The following MTUS2 variants were observed in gnomAD, a reference collection of about 807,000 sequenced individuals.
The protein encoded by MTUS2 is microtubule-associated tumor suppressor candidate 2.
A neutral mutation model predicts 114.1 loss-of-function variants in MTUS2; 40 were observed. The observed-to-expected ratio is 0.35, with a 90% CI of 0.27 to 0.46. The LOEUF is 0.46. MTUS2 is among the 20% of genes least tolerant of loss of function. The pLI, the probability that MTUS2 is intolerant of heterozygous loss-of-function variation, is 1.00. For missense variants in MTUS2, 1,679 were observed against 1,705.4 expected (o/e 0.98, Z 0.27); for synonymous variants, 688 against 672.0 (o/e 1.02, Z -0.37).
At chr13:28,829,754 A>T (rs564643357) in intron 1 of MTUS2, among the ~76,000 whole-genome samples, 2 of 152,354 alleles carry the variant, frequency 1.3e-5, no homozygotes, top group Non-Finnish European at 2.9e-5. Context: ...TGAGGCAGTG[A>T]CACCAGTTGG....
intron 5 of MTUS2, among the ~76,000 whole-genome samples, chr13:29,207,222 C>T (rs1895226603): frequency 6.6e-6 from 1 of 152,100 alleles, no homozygotes; most frequent in African/African-American, 2.4e-5. Flanking sequence ...AATTGATTGT[C>T]AGCTTGGTTG....
chr13:29,091,150 C>G (rs186077646), intron 4 of MTUS2, among the ~76,000 whole-genome samples: 1 of 152,114 alleles, frequency 6.6e-6, no homozygotes, highest in Non-Finnish European at 1.5e-5. Flanking sequence ...TGAAGATCTG[C>G]TTGGAATATG....
At chr13:29,170,598 G>A (rs774388054) in intron 5 of MTUS2, among the ~76,000 whole-genome samples, 19 of 152,144 alleles carry the variant, frequency 1.2e-4, no homozygotes, top group South Asian at 2.1e-4. Context: ...AATTTAAGCC[G>A]GTTTCCAGCT....
chr13:29,348,108 C>T (rs1287846918), intron 7 of MTUS2, among the ~76,000 whole-genome samples: 3 of 152,252 alleles, frequency 2.0e-5, no homozygotes, highest in Non-Finnish European at 4.4e-5. Flanking sequence ...ATTCTTAACT[C>T]AATCTCCAGC....
chr13:29,315,964 G>T (rs568573972), intron 6 of MTUS2, among the ~76,000 whole-genome samples: 90 of 152,186 alleles, frequency 5.9e-4, no homozygotes, highest in Non-Finnish European at 1.1e-3. Context: ...CCAGGGTCTT[G>T]ATTCAGGGTG....
chr13:29,290,884 A>C (rs1354924580), intron 6 of MTUS2, among the ~76,000 whole-genome samples: 1 of 152,186 alleles, frequency 6.6e-6, no homozygotes, highest in Non-Finnish European at 1.5e-5. Context: ...GGCCCAGCAC[A>C]AAGCAGGCTC....
chr13:29,359,998 T>G (rs748079050), intron 8 of MTUS2, among the ~76,000 whole-genome samples: 2 of 152,162 alleles, frequency 1.3e-5, no homozygotes, highest in Non-Finnish European at 2.9e-5. Context: ...GTGCCCTCAA[T>G]TTTTCTGAAA....
chr13:29,327,177 CA>C (rs1167854001), intron 7 of MTUS2, among the ~76,000 whole-genome samples: 2 of 151,318 alleles, frequency 1.3e-5, no homozygotes, highest in South Asian at 4.2e-4. Flanking sequence ...ATATTTATAC[CA>C]AAAAAACTAA....
intron 7 of MTUS2, among the ~76,000 whole-genome samples, chr13:29,346,956 T>C (rs1807336286): frequency 6.6e-6 from 1 of 151,702 alleles, no homozygotes; most frequent in African/African-American, 2.4e-5. Context: ...AGTGAGGATG[T>C]GTGTTTGGGG....
At chr13:29,487,785 C>T in intron 10 of MTUS2, 115 bp from the exon 11 acceptor site, 1 of 826,422 alleles carries the variant, frequency 1.2e-6, no homozygotes. Context: ...TGCTTCGGCA[C>T]AAGGCTGTGA....
At chr13:29,041,567 A>G (rs1321260164) in intron 4 of MTUS2, among the ~76,000 whole-genome samples, 1 of 152,156 alleles carries the variant, frequency 6.6e-6, no homozygotes, top group African/African-American at 2.4e-5. Flanking sequence ...GATTCTACCC[A>G]TCCATGAGCA....
intron 7 of MTUS2, among the ~76,000 whole-genome samples, chr13:29,339,297 T>C (rs934152658): frequency 6.6e-6 from 1 of 152,146 alleles, no homozygotes; most frequent in Non-Finnish European, 1.5e-5. Context: ...TGGAGGCTTC[T>C]TCTGAGCGGC....
chr13:29,390,057 A>G (rs1253482493), intron 8 of MTUS2, among the ~76,000 whole-genome samples: 2 of 1,286 alleles, frequency 1.6e-3, no homozygotes, highest in African/African-American at 1.7e-3. Flanking sequence ...ATACACATAC[A>G]TATATACACA....
At chr13:29,233,449 C>T (rs1344946917) in intron 5 of MTUS2, among the ~76,000 whole-genome samples, 2 of 152,094 alleles carry the variant, frequency 1.3e-5, no homozygotes, top group African/African-American at 2.4e-5. Flanking sequence ...GTAAAACTAT[C>T]GTCGACATTC....
chr13:29,311,413 A>C (rs182139255), intron 6 of MTUS2, among the ~76,000 whole-genome samples: 4 of 152,294 alleles, frequency 2.6e-5, no homozygotes, highest in African/African-American at 9.6e-5. Context: ...TTTATAATAG[A>C]TATGTTTAAA....
chr13:29,282,946 T>C (rs1898333911), intron 6 of MTUS2, among the ~76,000 whole-genome samples: 1 of 152,176 alleles, frequency 6.6e-6, no homozygotes, highest in African/African-American at 2.4e-5. Flanking sequence ...CACTAGTGGG[T>C]ATTCATTTTG....
intron 5 of MTUS2, among the ~76,000 whole-genome samples, chr13:29,177,019 G>A (rs1370042481): frequency 6.6e-6 from 1 of 151,092 alleles, no homozygotes; most frequent in Non-Finnish European, 1.5e-5. Context: ...CCTGGATGGG[G>A]AGAGATGGGT....
intron 5 of MTUS2, among the ~76,000 whole-genome samples, chr13:29,119,832 A>G (rs1004742590): frequency 1.3e-5 from 2 of 152,230 alleles, no homozygotes; most frequent in African/African-American, 4.8e-5. Context: ...ACCCTCACAG[A>G]CACACCTAGA....
chr13:29,148,319 C>T (rs1033203805), intron 5 of MTUS2, among the ~76,000 whole-genome samples: 1 of 151,730 alleles, frequency 6.6e-6, no homozygotes, highest in African/African-American at 2.4e-5. Context: ...AGGTATTAAA[C>T]CCAGCATCCA....
Sources: allele counts gnomAD v4.1 joint callset (sites outside exome capture counted in the v4.1 genomes callset), GRCh38; gene constraint gnomAD v4.1.1; transcripts MANE v1.5; gene names NCBI Gene and HGNC (gene_info 2026-07-23, HGNC 2026-07-21).